The following HERPUD2 variants were observed in gnomAD, a reference collection of about 807,000 sequenced individuals.
The protein encoded by HERPUD2 is homocysteine-responsive endoplasmic reticulum-resident ubiquitin-like domain member 2 protein.
HERPUD2 carries 13 observed loss-of-function variants against 49.9 expected under a neutral mutation model. That is an observed-to-expected ratio of 0.26 (90% CI 0.17 to 0.41). The LOEUF is 0.41. Ranked by LOEUF, HERPUD2 falls within the 10% of genes least tolerant of loss-of-function variation. HERPUD2 has a pLI of 1.00. For missense variants in HERPUD2, 449 were observed against 492.2 expected, an observed-to-expected ratio of 0.91 and a Z score of 0.83; for synonymous variants, 172 against 171.4, an observed-to-expected ratio of 1.00 and a Z score of -0.03.
At chr7:35,682,169 G>C (rs188031107) in intron 2 of HERPUD2, among the ~76,000 whole-genome samples, 2 of 151,494 alleles carry the variant, frequency 1.3e-5, no homozygotes, top group African/African-American at 4.9e-5. Context: ...CTCCTGAGTA[G>C]CTGGGACTAC....
intron 5 of HERPUD2, among the ~76,000 whole-genome samples, chr7:35,653,729 A>G (rs1237427513): frequency 1.3e-5 from 2 of 152,286 alleles, no homozygotes; most frequent in Non-Finnish European, 2.9e-5. Context: ...CCACAACGGA[A>G]TAACACTAGA....
chr7:35,638,417 G>C lies in HERPUD2; in HGVS notation c.550C>G (p.Pro184Ala), dbSNP rs755529259. ...AGCATCTGCAGTGGGCTAAACGCGG[G>C]ATACACTGGGAATCCAGGTGGAGCA... ...QAAPPGFPVY[P>A]AFSPLQMLWW... Residue 184 changes from proline to alanine, a missense_variant, in exon 6 of 9, where the codon CCC (proline) becomes GCC (alanine). Pro to Ala is a conservative substitution (Grantham distance 27, BLOSUM62 -1). Coordinates refer to ENST00000311350, the MANE Select transcript of HERPUD2 (RefSeq NM_022373.5). 1.9e-6 allele frequency: 3 copies of C among 1,613,674 alleles called. No homozygotes were observed. Among genetic ancestry groups the C allele is most frequent in the Non-Finnish European group, 2.5e-6 (3 of 1,179,630 alleles).
At chr7:35,693,175 C>T (rs1410200770) in intron 2 of HERPUD2, among the ~76,000 whole-genome samples, 3 of 152,108 alleles carry the variant, frequency 2.0e-5, no homozygotes, top group African/African-American at 7.2e-5. Flanking sequence ...GCTGTACTGT[C>T]TATATTTTAT....
At chr7:35,639,067 C>T (rs1434430791) in intron 5 of HERPUD2, among the ~76,000 whole-genome samples, 11 of 150,020 alleles carry the variant, frequency 7.3e-5, no homozygotes, top group South Asian at 2.1e-4. Flanking sequence ...CTCGCTCTTT[C>T]GCCCAGGCTG....
intron 5 of HERPUD2, among the ~76,000 whole-genome samples, chr7:35,664,529 A>G (rs1785497758): frequency 6.6e-6 from 1 of 152,210 alleles, no homozygotes; most frequent in African/African-American, 2.4e-5. Context: ...AGGTACACCA[A>G]TCAGATGTAG....
In HERPUD2 at chr7:35,682,262, TATATATAGATATATACACATACACAC is replaced by T. The variant is rs1562686006; in HGVS notation, c.148-9010_148-8985del. Among the ~76,000 whole-genome samples, 820 of 83,868 alleles carry T rather than the reference TATATATAGATATATACACATACACAC, an allele frequency of 9.8e-3. 84 individuals carry two copies. Among genetic ancestry groups the T allele is most frequent in the African/African-American group, 0.014 (257 of 18,680 alleles). The allele number at this position is 83,868 out of a possible 152,430, so 55.0% of individuals were successfully genotyped here. The stretch of plus-strand genomic sequence containing the variant: ...ATACACATACACACGTGTGTGTGTG[TATATATAGATATATACACATACACAC>T]GTGTGTGTGTGTATATATAGATATA... On this transcript the variant is annotated intron_variant, in intron 2 of 8. Transcript: ENST00000311350.
chr7:35,642,989 C>A (rs1319107679), intron 5 of HERPUD2, among the ~76,000 whole-genome samples: 1 of 152,156 alleles, frequency 6.6e-6, no homozygotes, highest in Admixed American at 6.6e-5. Context: ...TTATGCCCAA[C>A]TGCCCAAGTA....
chr7:35,654,026 A>C (rs1315228525), intron 5 of HERPUD2, among the ~76,000 whole-genome samples: 1 of 152,206 alleles, frequency 6.6e-6, no homozygotes, highest in Non-Finnish European at 1.5e-5. Flanking sequence ...AAACAAATGA[A>C]AGTCAAAAAA....
intron 2 of HERPUD2, among the ~76,000 whole-genome samples, chr7:35,685,422 T>TA (rs1488889115): frequency 1.5e-4 from 22 of 151,198 alleles, no homozygotes; most frequent in African/African-American, 5.3e-4. Flanking sequence ...CTCCCAGGCT[T>TA]AAGCAATTCT....
intron 5 of HERPUD2, among the ~76,000 whole-genome samples, chr7:35,659,114 A>G (rs1337616727): frequency 6.6e-6 from 1 of 152,236 alleles, no homozygotes; most frequent in East Asian, 1.9e-4. Context: ...ATTTGAAAAC[A>G]AAGAGCAGAG....
chr7:35,662,426 T>C (rs2115930040), intron 5 of HERPUD2, among the ~76,000 whole-genome samples: 1 of 152,336 alleles, frequency 6.6e-6, no homozygotes. Context: ...TTTCTATTGA[T>C]TGGAATAGTT....
chr7:35,673,594 T>C (rs574652295), intron 2 of HERPUD2, among the ~76,000 whole-genome samples: 1 of 152,274 alleles, frequency 6.6e-6, no homozygotes, highest in East Asian at 1.9e-4. Flanking sequence ...CATATATGAC[T>C]ATCATTAAAA....
At chr7:35,658,258 T>C (rs189680920) in intron 5 of HERPUD2, among the ~76,000 whole-genome samples, 1 of 152,276 alleles carries the variant, frequency 6.6e-6, no homozygotes, top group East Asian at 1.9e-4. Flanking sequence ...TTCTCACTCA[T>C]ATATGGAAGC....
intron 5 of HERPUD2, among the ~76,000 whole-genome samples, chr7:35,646,304 A>G (rs1387295290): frequency 6.6e-6 from 1 of 152,170 alleles, no homozygotes; most frequent in East Asian, 1.9e-4. Flanking sequence ...GTTCAAGCCT[A>G]TAATCCTAGC....
intron 2 of HERPUD2, among the ~76,000 whole-genome samples, chr7:35,677,719 T>C (rs923849573): frequency 1.3e-5 from 2 of 152,222 alleles, no homozygotes; most frequent in African/African-American, 4.8e-5. Context: ...AATGTGTTTA[T>C]ATGCCAACAG....
chr7:35,692,093 G>C lies in HERPUD2; in HGVS notation c.147+2091C>G, dbSNP rs1371631742. On this transcript the variant is annotated intron_variant, in intron 2 of 8. Transcript: ENST00000311350. ...ATCATTAATAGGCTGCATAGTATTT[G>C]GTTTAGCCTCCAAAAGTGTCTCCAG... Among the ~76,000 whole-genome samples, 4 of 152,198 alleles carry C rather than the reference G, an allele frequency of 2.6e-5. No individual in the cohort carries two copies. The East Asian group carries it at 7.7e-4, about 29-fold the overall frequency.
rs778569836 is a variant in HERPUD2 at position 35,634,348 on chromosome 7, A to G, written c.1023T>C (p.Asp341=). The G allele has an allele frequency of 1.2e-6, 2 of 1,613,770 alleles. No individual in the cohort carries two copies. The highest frequency in any genetic ancestry group is 2.2e-5 in the East Asian group (1 of 44,860). The change falls in exon 8 of 9, where the codon GAT becomes GAC. Residue 341 remains aspartate (D), a synonymous_variant. Coordinates refer to ENST00000311350, the MANE Select transcript of HERPUD2 (RefSeq NM_022373.5). ...GTTCCAAGTTGTTTGCATTTTGCCC[A>G]TCATTGTTAACTTCGGCATTATTGT... is the stretch of plus-strand genomic sequence containing the variant. The part of the protein sequence containing the change: ...APNNNAEVNN[D]GQNANNLELE...
intron 5 of HERPUD2, among the ~76,000 whole-genome samples, chr7:35,666,940 T>C (rs1785549308): frequency 6.6e-6 from 1 of 152,232 alleles, no homozygotes; most frequent in Non-Finnish European, 1.5e-5. Flanking sequence ...GTGGAACGTT[T>C]AAAAACTTTT....
Position 35,694,307 on chromosome 7 carries a change from A to C in HERPUD2, c.24T>G (p.Ile8Met). 6.2e-7 allele frequency: 1 copy of C among 1,614,184 alleles called. No individual in the cohort carries two copies. Among genetic ancestry groups the C allele is most frequent in the Non-Finnish European group, 8.5e-7 (1 of 1,180,016 alleles). MDQSGME[I>M]PVTLIIKAPN... ...GTGCTTTAATGATGAGGGTCACAGG[A>C]ATCTCCATCCCACTTTGGTCCATGG... is the stretch of plus-strand genomic sequence containing the variant. The change falls in exon 2 of 9, where the codon ATT becomes ATG. Residue 8 changes from isoleucine (I) to methionine (M), a missense_variant. Coordinates refer to ENST00000311350, the MANE Select transcript of HERPUD2 (RefSeq NM_022373.5).
Sources: allele counts gnomAD v4.1 joint callset (sites outside exome capture counted in the v4.1 genomes callset), GRCh38; gene constraint gnomAD v4.1.1; transcripts MANE v1.5; gene names NCBI Gene and HGNC (gene_info 2026-07-23, HGNC 2026-07-21).